Variants in CD79B observed in about 807,000 individuals in gnomAD.
The protein encoded by CD79B is B-cell antigen receptor complex-associated protein beta chain.
A neutral mutation model predicts 30.0 loss-of-function variants in CD79B; 7 were observed. The observed-to-expected ratio is 0.23, with a 90% confidence interval of 0.13 to 0.44. The LOEUF is 0.44. Among genes scored for constraint, CD79B ranks in the 20% least tolerant of loss-of-function variants. The pLI, the probability that CD79B is intolerant of heterozygous loss-of-function variation, is 1.00. For missense variants in CD79B, 218 were observed against 299.1 expected (o/e 0.73, Z 2.00); for synonymous variants, 118 against 119.2 (o/e 0.99, Z 0.07).
chr17:63,929,399 G>T (rs1241432967), intron 5 of CD79B, 35 bp downstream of exon 5: 6 of 1,613,130 alleles, frequency 3.7e-6, no homozygotes, highest in Non-Finnish European at 4.2e-6. Flanking sequence ...CTGACCCCGA[G>T]GACTCAGAGC....
chr17:63,931,513 C>T (rs1342126187), intron 1 of CD79B, 128 bp from the exon 2 acceptor site: 27 of 833,386 alleles, frequency 3.2e-5, no homozygotes, highest in Non-Finnish European at 4.1e-5. Flanking sequence ...CAAGACCCCT[C>T]GGTCCTCCCT....
Position 63,932,198 on chromosome 17 carries a change from A to G in CD79B, c.64T>C (p.Ser22Pro). The change falls in exon 1 of 6, where the codon TCA (serine) becomes CCA (proline). Residue 22 changes from serine (S) to proline (P), a missense_variant. By Grantham distance (74) the Ser-to-Pro change is moderately conservative. Transcript: ENST00000006750. ...HWMVALLLLL[S>P]AEPVPAARSE... ...GGCCTCGTCGTGGGTTCTGTACCTG[A>G]GAGCAGCAGCAGCAACGCCACCATC... 19 of 1,613,160 alleles carry G rather than the reference A, an allele frequency of 1.2e-5. No homozygotes were observed. The highest frequency in any genetic ancestry group is 1.5e-5 in the Non-Finnish European group (18 of 1,179,850).
chr17:63,931,841 C>A, intron 1 of CD79B: 1 of 434,660 alleles, frequency 2.3e-6, no homozygotes, highest in Non-Finnish European at 4.3e-6. Context: ...TTGCATCTTC[C>A]AGGGTCCGGT....
In CD79B at chr17:63,929,003, T is replaced by A. The variant is rs1907946447; in HGVS notation, c.*223A>T. On this transcript the variant is annotated 3_prime_UTR_variant, in exon 6 of 6. Transcript: ENST00000006750. ...CCCCCAGAAGGCTGGGTCCCGTCCA[T>A]CCCCAGAGAACTCCCTCCAAGTTGC... 5.0e-6 allele frequency: 3 copies of A among 597,026 alleles called. No homozygotes were observed. In the East Asian group the frequency reaches 8.4e-5, roughly 17 times the overall value. 37.0% of individuals were successfully genotyped at this position (597,026 alleles called of 1,614,324 possible). A position where few individuals can be genotyped will look rare whatever the true frequency, so the allele number is the denominator to read the frequency against.
At chr17:63,930,448 A>G (rs1412579045) in intron 2 of CD79B, 63 bp from the exon 3 acceptor site, 6 of 1,462,256 alleles carry the variant, frequency 4.1e-6, no homozygotes, top group Admixed American at 3.6e-5. Flanking sequence ...CAGCCCCAGC[A>G]GCAGGCCCCT....
chr17:63,929,702 T>C, intron 4 of CD79B, 68 bp downstream of exon 4: 1 of 1,158,846 alleles, frequency 8.6e-7, no homozygotes, highest in Non-Finnish European at 1.3e-6. Context: ...ATGGAGACCC[T>C]GCATATGCCT....
intron 1 of CD79B, chr17:63,931,933 G>T: frequency 5.4e-6 from 3 of 558,548 alleles, no homozygotes; most frequent in Non-Finnish European, 9.8e-6. Flanking sequence ...CACGGTCCTG[G>T]TTGCTAACTC....
chr17:63,929,101 C>A lies in CD79B; in HGVS notation c.*125G>T. On this transcript the variant is annotated 3_prime_UTR_variant, in exon 6 of 6. Transcript: ENST00000006750. ...CAGGGGCTGGAGACAAATGGCAGCTCTGGTGGGCCAGCTTCAGAGGCCAGC... is the reference window on the plus strand; with the variant it reads ...CAGGGGCTGGAGACAAATGGCAGCTATGGTGGGCCAGCTTCAGAGGCCAGC... 1 of 728,596 alleles carries A rather than the reference C, an allele frequency of 1.4e-6. No individual in the cohort carries two copies. The highest frequency in any genetic ancestry group is 2.6e-5 in the East Asian group (1 of 38,704). 45.1% of individuals were successfully genotyped at this position (728,596 alleles called of 1,614,324 possible).
intron 2 of CD79B, 74 bp from the exon 3 acceptor site, chr17:63,930,459 GC>G: frequency 7.4e-7 from 1 of 1,351,464 alleles, no homozygotes; most frequent in South Asian, 1.2e-5. Flanking sequence ...GCAGGCCCCT[GC>G]CCTGGCTGGC....
chr17:63,932,119 G>C, intron 1 of CD79B, 76 bp downstream of exon 1: 2 of 1,283,392 alleles, frequency 1.6e-6, no homozygotes, highest in Admixed American at 1.7e-5. Flanking sequence ...GGTGGAGCAA[G>C]CAGGAGGCAG....
rs548322916 is a variant in CD79B at position 63,929,218 on chromosome 17, C to T, written c.*8G>A. Reference sequence around the variant, plus strand: ...AGCCTGCACCCAGGTCATGGGGCGACCTGGCTCTCACTCCTGGCCTGGGTG... The same window carrying T: ...AGCCTGCACCCAGGTCATGGGGCGATCTGGCTCTCACTCCTGGCCTGGGTG... On this transcript the variant is annotated 3_prime_UTR_variant, in exon 6 of 6. Coordinates refer to ENST00000006750, the MANE Select transcript of CD79B (RefSeq NM_000626.4). The T allele has an allele frequency of 5.0e-6, 8 of 1,597,698 alleles. No individual in the cohort carries two copies. The highest frequency in any genetic ancestry group is 1.3e-5 in the African/African-American group (1 of 74,678).
intron 2 of CD79B, chr17:63,930,876 A>G: frequency 3.4e-6 from 1 of 290,068 alleles, no homozygotes; most frequent in Non-Finnish European, 6.7e-6. Context: ...TCCCTCTATC[A>G]TCCCCCTCTT....
In CD79B at chr17:63,929,014, C is replaced by T. The variant is rs1907946965; in HGVS notation, c.*212G>A. 1 of 605,048 alleles carries T rather than the reference C, an allele frequency of 1.7e-6. No individual in the cohort carries two copies. Among genetic ancestry groups the T allele is most frequent in the African/African-American group, 1.8e-5 (1 of 54,140 alleles). 37.5% of individuals were successfully genotyped at this position (605,048 alleles called of 1,614,324 possible). A position where few individuals can be genotyped will look rare whatever the true frequency, so the allele number is the denominator to read the frequency against. ...CTGGGTCCCGTCCATCCCCAGAGAA[C>T]TCCCTCCAAGTTGCTGCCCTGTTGT... On this transcript the variant is annotated 3_prime_UTR_variant, in exon 6 of 6. Coordinates refer to ENST00000006750, the MANE Select transcript of CD79B (RefSeq NM_000626.4).
In CD79B at chr17:63,929,239, G is replaced by C. The variant is rs909569339; in HGVS notation, c.677C>G (p.Pro226Arg). Reference sequence around the variant, plus strand: ...GCGACCTGGCTCTCACTCCTGGCCTGGGTGCTCACCTACAGACCACTTCAC... The same window carrying C: ...GCGACCTGGCTCTCACTCCTGGCCTCGGTGCTCACCTACAGACCACTTCAC... ...GEVKWSVGEH[P>R]GQE Residue 226 changes from proline (P) to arginine (R), a missense_variant, in exon 6 of 6, where the codon CCA becomes CGA. By Grantham distance (103) the Pro-to-Arg change is moderately radical (BLOSUM62 -2). Coordinates refer to ENST00000006750, the MANE Select transcript of CD79B (RefSeq NM_000626.4). The C allele has an allele frequency of 6.2e-7, 1 of 1,611,698 alleles. No individual in the cohort carries two copies. The highest frequency in any genetic ancestry group is 8.5e-7 in the Non-Finnish European group (1 of 1,177,970).
At position 63,929,110 on chromosome 17, in the gene CD79B, C is replaced by T; in HGVS notation, c.*116G>A. ...GAGACAAATGGCAGCTCTGGTGGGC[C>T]AGCTTCAGAGGCCAGCTGGGGGGTC... is the stretch of plus-strand genomic sequence containing the variant. On this transcript the variant is annotated 3_prime_UTR_variant, in exon 6 of 6. Coordinates refer to ENST00000006750, the MANE Select transcript of CD79B (RefSeq NM_000626.4). The T allele has an allele frequency of 2.6e-6, 2 of 758,180 alleles. No individual in the cohort carries two copies. Among genetic ancestry groups the T allele is most frequent in the Admixed American group, 1.9e-5 (1 of 52,798 alleles). The allele number at this position is 758,180 out of a possible 1,614,324, so 47.0% of individuals were successfully genotyped here. A position where few individuals can be genotyped will look rare whatever the true frequency, so the allele number is the denominator to read the frequency against.
chr17:63,932,109 G>T, intron 1 of CD79B, 86 bp downstream of exon 1: 2 of 1,165,646 alleles, frequency 1.7e-6, no homozygotes, highest in Non-Finnish European at 1.3e-6. Flanking sequence ...AGAGGAGGAG[G>T]GTGGAGCAAG....
intron 5 of CD79B, 49 bp from the exon 6 acceptor site, chr17:63,929,373 C>T: frequency 1.9e-6 from 3 of 1,610,184 alleles, no homozygotes; most frequent in Non-Finnish European, 2.6e-6. Flanking sequence ...CCAACCACAC[C>T]AGCAGATAGT....
chr17:63,931,780 C>T (rs1326605383), intron 1 of CD79B: 1 of 345,868 alleles, frequency 2.9e-6, no homozygotes, highest in African/African-American at 2.1e-5. Flanking sequence ...GGAAGAAAGT[C>T]ACAGCCCGGA....
chr17:63,931,268 C>A lies in CD79B; in HGVS notation c.118+67G>T, dbSNP rs1255381428. ...AGGCGGACCGCCCCCAGGACAGGGA[C>A]CATAGTCGGACACAGGACATAGTCG... On this transcript the variant is annotated intron_variant, in intron 2 of 5. Transcript: ENST00000006750. 2.6e-6 allele frequency: 4 copies of A among 1,525,968 alleles called. No individual in the cohort carries two copies. In the African/African-American group the frequency reaches 5.5e-5, roughly 21 times the overall value. The allele number at this position is 1,525,968 out of a possible 1,614,324, so 94.5% of individuals were successfully genotyped here.
Sources: allele counts gnomAD v4.1 joint callset, GRCh38; gene constraint gnomAD v4.1.1; transcripts MANE v1.5; gene names NCBI Gene and HGNC (gene_info 2026-07-23, HGNC 2026-07-21).